Variants in ITGA5 observed in about 807,000 individuals in gnomAD.
ITGA5 encodes integrin alpha-5.
A neutral mutation model predicts 146.3 loss-of-function variants in ITGA5; 55 were observed. That is an observed-to-expected ratio of 0.38 (90% CI 0.30 to 0.47). The LOEUF is 0.47. Ranked by LOEUF, ITGA5 falls within the 20% of genes least tolerant of loss-of-function variation. The pLI is 0.99. For synonymous variants in ITGA5, 500 were observed against 531.8 expected (o/e 0.94, Z 0.82); for missense variants, 1,131 against 1,329.0 (o/e 0.85, Z 2.32).
rs570226621 is a variant in ITGA5, at chr12:54,411,971, G to C, written c.219-7C>G. 8 of 1,564,838 alleles carry C rather than the reference G, an allele frequency of 5.1e-6. No individual in the cohort carries two copies. The highest frequency in any genetic ancestry group is 1.7e-4 in the Middle Eastern group (1 of 5,828). The stretch of plus-strand genomic sequence containing the variant: ...TCCCACCAGCACACTGACCCTGTGG[G>C]GGGGAAAAGCGAGGCAGTTGAGGAT... On this transcript the variant is annotated splice_polypyrimidine_tract_variant and splice_region_variant and intron_variant, in intron 1 of 29. Coordinates refer to ENST00000293379, the MANE Select transcript of ITGA5 (RefSeq NM_002205.5).
In ITGA5 at chr12:54,409,508, G is replaced by A. The variant is rs775266866; in HGVS notation, c.439C>T (p.Arg147Ter). Reference sequence around the variant, plus strand: ...ACCAAGATGGAGGAGCCATGGGCTCGAACTGTTGCCCCGAACCACTGCAAG... The same window carrying A: ...ACCAAGATGGAGGAGCCATGGGCTCAAACTGTTGCCCCGAACCACTGCAAG... ...KSLQWFGATVRAHGSSILACA... is the reference protein window; with the variant it reads ...KSLQWFGATV The change falls in exon 3 of 30, where the codon CGA becomes TGA. Residue 147 changes from arginine (R) to a stop codon, truncating the protein, a stop_gained. Transcript: ENST00000293379. LOFTEE classifies it high-confidence loss of function. This position sits in a 1 kb window ranked among gnomAD's most constrained non-coding sequence, Gnocchi z 4.7. The A allele has an allele frequency of 1.2e-6, 2 of 1,613,798 alleles. No individual in the cohort carries two copies. The highest frequency in any genetic ancestry group is 2.2e-5 in the South Asian group (2 of 91,066).
chr12:54,405,263 C>T lies in ITGA5; in HGVS notation c.1128G>A (p.Glu376=), dbSNP rs774384837. ...YVYLQHPAGI[E]PTPTLTLTGH... is the part of the protein sequence containing the mutation. ...CAGTGAGGGTAAGGGTGGGCGTGGG[C>T]TCTATGCCGGCTGGGTGCTGCAGGT... The change falls in exon 12 of 30, where the codon GAG becomes GAA. Residue 376 remains glutamate (E), a synonymous_variant. Transcript: ENST00000293379. 11 of 1,613,850 alleles carry T rather than the reference C, an allele frequency of 6.8e-6. No individual in the cohort carries two copies. The highest frequency in any genetic ancestry group is 4.5e-5 in the East Asian group (2 of 44,886).
chr12:54,405,352 C>T lies in ITGA5; in HGVS notation c.1039G>A (p.Ala347Thr). ...GGGGTCCGATCCATGAGCAGGGGTG[C>T]CCCCACCAGCAAGTCATCCAGCCTG... ...GDGLDDLLVG[A>T]PLLMDRTPDG... Residue 347 changes from alanine (A) to threonine (T), a missense_variant, in exon 12 of 30, where the codon GCA becomes ACA. By Grantham distance (58) the Ala-to-Thr change is moderately conservative. Around this residue, in one of 3 missense-constraint regions of ITGA5, gnomAD observed 889 missense variants for 1,021.5 expected, o/e 0.87. Coordinates refer to ENST00000293379, the MANE Select transcript of ITGA5 (RefSeq NM_002205.5). 1 of 1,607,382 alleles carries T rather than the reference C, an allele frequency of 6.2e-7. No individual in the cohort carries two copies. The highest frequency in any genetic ancestry group is 1.1e-5 in the South Asian group (1 of 90,766).
chr12:54,399,506 A>C (rs1955759542), intron 27 of ITGA5, 139 bp downstream of exon 27: 1 of 664,776 alleles, frequency 1.5e-6, no homozygotes, highest in South Asian at 1.8e-5. Context: ...AGCCTGGTCT[A>C]GACAAGGGCA....
At chr12:54,405,958 T>C (rs1955861604) in intron 9 of ITGA5, 32 bp from the exon 10 acceptor site, 1 of 1,589,786 alleles carries the variant, frequency 6.3e-7, no homozygotes, top group Non-Finnish European at 8.6e-7. Flanking sequence ...CCATTGGTCC[T>C]GGACTCCCAG....
In ITGA5 at chr12:54,407,708, A is replaced by T; in HGVS notation, c.863-16T>A. The T allele has an allele frequency of 6.2e-7, 1 of 1,613,446 alleles. No individual in the cohort carries two copies. Among genetic ancestry groups the T allele is most frequent in the Non-Finnish European group, 8.5e-7 (1 of 1,179,472 alleles). ...GCAACAAAGTCTGCAAAGAGAAGAG[A>T]AAGTTGTGACCTAAGGGTGGGGAAA... On this transcript the variant is annotated splice_polypyrimidine_tract_variant and intron_variant, in intron 8 of 29. Coordinates refer to ENST00000293379, the MANE Select transcript of ITGA5 (RefSeq NM_002205.5).
chr12:54,401,616 C>T lies in ITGA5; in HGVS notation c.2356G>A (p.Val786Met), dbSNP rs751768127. ...AGGGTGACCTGGGCCTGAGCCTCCA[C>T]GGAGAGCCGAAAGGAAACCACGTCG... is the stretch of plus-strand genomic sequence containing the variant. The part of the protein sequence containing the change: ...QSDVVSFRLS[V>M]EAQAQVTLNG... The change falls in exon 23 of 30, where the codon GTG becomes ATG. Residue 786 changes from valine (V) to methionine (M), a missense_variant. Around this residue, in one of 3 missense-constraint regions of ITGA5, gnomAD observed 889 missense variants for 1,021.5 expected, o/e 0.87. Transcript: ENST00000293379. The surrounding 1 kb of genome is among the most constrained non-coding windows in gnomAD (Gnocchi z 5.0). 1.7e-5 allele frequency: 27 copies of T among 1,614,084 alleles called. No homozygotes were observed. The highest frequency in any genetic ancestry group is 2.2e-5 in the East Asian group (1 of 44,890).
At chr12:54,405,636 C>T (rs747953901) in intron 11 of ITGA5, 28 bp downstream of exon 11, 1 of 1,595,156 alleles carries the variant, frequency 6.3e-7, no homozygotes, top group Non-Finnish European at 8.6e-7. Context: ...GGGAGGGTAT[C>T]ACAGTGCGCT....
chr12:54,402,242 C>T lies in ITGA5; in HGVS notation c.2071G>A (p.Ala691Thr). Reference sequence around the variant, plus strand: ...GGAGGGGCGGTGACCCGAAGCTCAGCCTCATAGGCGCCACCCTCACCCACA... The same window carrying T: ...GGAGGGGCGGTGACCCGAAGCTCAGTCTCATAGGCGCCACCCTCACCCACA... ...QNVGEGGAYE[A>T]ELRVTAPPEA... The change falls in exon 20 of 30, where the codon GCT (alanine) becomes ACT (threonine). Residue 691 changes from alanine (A) to threonine (T), a missense_variant. This residue lies in a region of ITGA5 where 889 missense variants were observed against 1,021.5 expected (regional missense o/e 0.87). Transcript: ENST00000293379. 1.2e-6 allele frequency: 2 copies of T among 1,614,170 alleles called. No homozygotes were observed. Among genetic ancestry groups the T allele is most frequent in the Non-Finnish European group, 1.7e-6 (2 of 1,180,026 alleles).
At position 54,401,932 on chromosome 12, in the gene ITGA5, C is replaced by G. The variant is rs1176834328; in HGVS notation, c.2226+69G>C. 4.4e-6 allele frequency: 7 copies of G among 1,597,268 alleles called. No individual in the cohort carries two copies. The South Asian group carries it at 5.5e-5, about 13-fold the overall frequency. ...TCCCTCCGCACCTCACAGCTGTGCT[C>G]TCGGCTGGCTGGTTACCGCCCTCAG... On this transcript the variant is annotated intron_variant, in intron 21 of 29. Coordinates refer to ENST00000293379, the MANE Select transcript of ITGA5 (RefSeq NM_002205.5). The surrounding 1 kb of genome is among the most constrained non-coding windows in gnomAD (Gnocchi z 5.0).
intron 1 of ITGA5, 138 bp downstream of exon 1, chr12:54,418,843 A>C: frequency 7.8e-5 from 74 of 946,526 alleles, no homozygotes; most frequent in Middle Eastern, 3.3e-4. Flanking sequence ...AACTCTAGCC[A>C]GGGCCCCCAA....
In ITGA5 at chr12:54,404,454, C is replaced by A. The variant is rs1955833593; in HGVS notation, c.1439G>T (p.Gly480Val). 6.2e-7 allele frequency: 1 copy of A among 1,614,190 alleles called. No individual in the cohort carries two copies. Among genetic ancestry groups the A allele is most frequent in the South Asian group, 1.1e-5 (1 of 91,088 alleles). ...CCTGTATACCACAGCCTTGTCCACA[C>A]CAAAGGACCCCACAATCAGATCTGT... ...GYPDLIVGSF[G>V]VDKAVVYRGR... The change falls in exon 14 of 30, where the codon GGT becomes GTT. Residue 480 changes from glycine (G) to valine (V), a missense_variant. Gly to Val is a moderately radical substitution (Grantham distance 109, BLOSUM62 -3). Around this residue, in one of 3 missense-constraint regions of ITGA5, gnomAD observed 889 missense variants for 1,021.5 expected, o/e 0.87. Coordinates refer to ENST00000293379, the MANE Select transcript of ITGA5 (RefSeq NM_002205.5).
At position 54,403,715 on chromosome 12, in the gene ITGA5, G is replaced by T. The variant is rs760575941; in HGVS notation, c.1686C>A (p.Phe562Leu). ...TCAGGGTTGCCTGCCTGGAGGCCAG[G>T]AACAGTGCCCGCCGTACCCCTCCCT... is the stretch of plus-strand genomic sequence containing the variant. ...KQKGGVRRAL[F>L]LASRQATLTQ... is the part of the protein sequence containing the mutation. The change falls in exon 17 of 30, where the codon TTC (phenylalanine) becomes TTA (leucine). Residue 562 changes from phenylalanine to leucine, a missense_variant. Coordinates refer to ENST00000293379, the MANE Select transcript of ITGA5 (RefSeq NM_002205.5). This position sits in a 1 kb window ranked among gnomAD's most constrained non-coding sequence, Gnocchi z 4.9. 1 of 1,614,058 alleles carries T rather than the reference G, an allele frequency of 6.2e-7. No homozygotes were observed. The highest frequency in any genetic ancestry group is 1.1e-5 in the South Asian group (1 of 91,086).
rs752698166 is a variant in ITGA5, at chr12:54,396,283, T to C, written c.*10A>G. 4.4e-6 allele frequency: 7 copies of C among 1,606,300 alleles called. No individual in the cohort carries two copies. In the Admixed American group the frequency reaches 1.2e-4, roughly 27 times the overall value. On this transcript the variant is annotated 3_prime_UTR_variant, in exon 30 of 30. Transcript: ENST00000293379. The stretch of plus-strand genomic sequence containing the variant: ...GTTCTTCAGGAATGGGAGTCTGAAA[T>C]TGGGAGGACTCAGGCATCAGAGGTG...
Position 54,403,581 on chromosome 12 carries a change from G to A in ITGA5, c.1776+44C>T, listed in dbSNP as rs202168584. On this transcript the variant is annotated intron_variant, in intron 17 of 29. Transcript: ENST00000293379. This position sits in a 1 kb window ranked among gnomAD's most constrained non-coding sequence, Gnocchi z 4.9. ...CAGGAGGTGCCCTCAGTTCTGTGTG[G>A]CCACCCTCCCTGGCCAGTCCACACC... 1 of 1,581,784 alleles carries A rather than the reference G, an allele frequency of 6.3e-7. No individual in the cohort carries two copies. The highest frequency in any genetic ancestry group is 1.3e-5 in the African/African-American group (1 of 74,190).
rs1009788940 is a variant in ITGA5 at position 54,408,650 on chromosome 12, TGG to T, written c.691+104_691+105del. 9 of 1,002,932 alleles carry T rather than the reference TGG, an allele frequency of 9.0e-6. No homozygotes were observed. In the African/African-American group the frequency reaches 1.5e-4, roughly 16 times the overall value. The allele number at this position is 1,002,932 out of a possible 1,614,324, so 62.1% of individuals were successfully genotyped here. On this transcript the variant is annotated intron_variant, in intron 6 of 29. Coordinates refer to ENST00000293379, the MANE Select transcript of ITGA5 (RefSeq NM_002205.5). ...CTGAGGCAGGAGAATCGCTTGAACC[TGG>T]GCAGCAGAGGTTGTGCCACTGCACT...
chr12:54,415,337 C>T (rs1230151765), intron 1 of ITGA5, among the ~76,000 whole-genome samples: 1 of 152,152 alleles, frequency 6.6e-6, no homozygotes, highest in Non-Finnish European at 1.5e-5. Context: ...CTAGAAGGCA[C>T]TGTAGAGAGC....
rs759333262 is a variant in ITGA5 at position 54,399,613 on chromosome 12, C to T, written c.2841+32G>A. The T allele has an allele frequency of 1.5e-5, 23 of 1,525,170 alleles. No individual in the cohort carries two copies. The Admixed American group carries it at 3.2e-4, about 21-fold the overall frequency. 94.5% of individuals were successfully genotyped at this position (1,525,170 alleles called of 1,614,324 possible). A position where few individuals can be genotyped will look rare whatever the true frequency, so the allele number is the denominator to read the frequency against. On this transcript the variant is annotated intron_variant, in intron 27 of 29. Transcript: ENST00000293379. ...GGTCAGTCTAAGCAGGCCCAAAGGT[C>T]AGGGGTCAGGGCTGAGGTAAGGCTC... is the stretch of plus-strand genomic sequence containing the variant.
chr12:54,419,144 G>A lies in ITGA5; in HGVS notation c.55C>T (p.Pro19Ser), dbSNP rs1057385959. 1.3e-6 allele frequency: 2 copies of A among 1,586,000 alleles called. No individual in the cohort carries two copies. The highest frequency in any genetic ancestry group is 1.9e-5 in the Admixed American group (1 of 53,790). Residue 19 changes from proline (P) to serine (S), a missense_variant, in exon 1 of 30, where the codon CCC becomes TCC. Transcript: ENST00000293379. ...GGCAGCAGCGGGGGTCGGCGCCGGG[G>A]GCCCCAGCGCAGCTGCACGGCGTGG... ...PLHAVQLRWG[P>S]RRRPPLLPLL...
Sources: allele counts gnomAD v4.1 joint callset (sites outside exome capture counted in the v4.1 genomes callset), GRCh38; gene constraint gnomAD v4.1.1; regional missense constraint gnomAD v4.1.1; non-coding constraint Gnocchi (gnomAD v3.1); transcripts MANE v1.5; gene names NCBI Gene and HGNC (gene_info 2026-07-23, HGNC 2026-07-21).